The following GPSM2 variants were observed in gnomAD, a reference collection of about 807,000 sequenced individuals.
GPSM2 encodes the protein G protein signaling modulator 2.
Under a neutral mutation model 78.4 loss-of-function variants are expected in GPSM2, and 58 were observed. The ratio of observed to expected loss-of-function variants is 0.74; its 90% CI spans 0.60 to 0.92. The LOEUF (loss-of-function observed/expected upper bound fraction) is 0.92, where lower values mean the gene tolerates loss of function less well. Among genes scored for constraint, GPSM2 ranks in the 40% least tolerant of loss-of-function variants. The pLI, the probability that GPSM2 is intolerant of heterozygous loss-of-function variation, is 0.00. For missense variants in GPSM2, 700 were observed against 815.5 expected (o/e 0.86, Z 1.73); for synonymous variants, 224 against 280.2 (o/e 0.80, Z 2.00).
rs1434981532 is a variant in GPSM2, at chr1:108,931,159, T to A, written c.*1219T>A. 1 of 673,548 alleles carries A rather than the reference T, an allele frequency of 1.5e-6. No individual in the cohort carries two copies. Among genetic ancestry groups the A allele is most frequent in the African/African-American group, 1.8e-5 (1 of 54,210 alleles). The allele number at this position is 673,548 out of a possible 1,614,324, so 41.7% of individuals were successfully genotyped here. On this transcript the variant is annotated 3_prime_UTR_variant, in exon 15 of 15. Transcript: ENST00000264126. ...TAAAACAAACTTTTCTAAGTTCTAA[T>A]ATAAAAACAAAAAACAAAACCCATG...
At chr1:108,899,500 C>A (rs1648634164) in intron 7 of GPSM2, among the ~76,000 whole-genome samples, 1 of 152,068 alleles carries the variant, frequency 6.6e-6, no homozygotes, top group Non-Finnish European at 1.5e-5. Context: ...CTCCCTTTAC[C>A]CTCTTTCTGC....
At chr1:108,912,496 C>A (rs1233568572) in intron 10 of GPSM2, among the ~76,000 whole-genome samples, 2 of 151,302 alleles carry the variant, frequency 1.3e-5, no homozygotes, top group Non-Finnish European at 2.9e-5. Flanking sequence ...GTAATCCCAG[C>A]ACTTTGGGAG....
rs1003558369 is a variant in GPSM2, at chr1:108,932,340, TAAAC to T, written c.*2403_*2406del. On this transcript the variant is annotated 3_prime_UTR_variant, in exon 15 of 15. Coordinates refer to ENST00000264126, the MANE Select transcript of GPSM2 (RefSeq NM_013296.5). The stretch of plus-strand genomic sequence containing the variant: ...TTTTAATGACATATTGGCTAGTCAA[TAAAC>T]AAGTCTTATCTCATCTCATCTCTTT... 7 of 152,178 alleles carry T rather than the reference TAAAC, an allele frequency of 4.6e-5. No individual in the cohort carries two copies. The highest frequency in any genetic ancestry group is 7.3e-5 in the Non-Finnish European group (5 of 68,032). 9.4% of individuals were successfully genotyped at this position (152,178 alleles called of 1,614,324 possible).
At chr1:108,907,733 T>C (rs1649355217) in intron 10 of GPSM2, among the ~76,000 whole-genome samples, 1 of 152,232 alleles carries the variant, frequency 6.6e-6, no homozygotes, top group African/African-American at 2.4e-5. Context: ...GTAACAATTC[T>C]AGTAGTTAAG....
chr1:108,895,404 A>G (rs1157754010), intron 2 of GPSM2, among the ~76,000 whole-genome samples: 2 of 149,072 alleles, frequency 1.3e-5, no homozygotes, highest in African/African-American at 5.1e-5. Context: ...TAATAATTTC[A>G]TATTTGTTTA....
intron 10 of GPSM2, among the ~76,000 whole-genome samples, chr1:108,909,191 G>C (rs1570925633): frequency 6.6e-6 from 1 of 152,200 alleles, no homozygotes; most frequent in South Asian, 2.1e-4. Context: ...AGATTTTGTT[G>C]TATGTTTGTG....
At chr1:108,886,652 G>A (rs78428498) in intron 2 of GPSM2, among the ~76,000 whole-genome samples, 55 of 152,252 alleles carry the variant, frequency 3.6e-4, no homozygotes, top group African/African-American at 1.3e-3. Flanking sequence ...ACTCCCTTTG[G>A]CTACACCTTA....
In GPSM2 at chr1:108,925,402, G is replaced by T. The variant is rs1275451890; in HGVS notation, c.1815+1188G>T. Among the ~76,000 whole-genome samples the T allele has an allele frequency of 1.3e-5, 2 of 152,100 alleles. 1 individual carries two copies. Among genetic ancestry groups the T allele is most frequent in the Admixed American group, 1.3e-4 (2 of 15,262 alleles). On this transcript the variant is annotated intron_variant, in intron 14 of 14. Transcript: ENST00000264126. ...ATAGCTGGTATTAAAGCCCTGGGAAGAAAGTACCTAAAGAATAGGACAGGA... is the reference window on the plus strand; with the variant it reads ...ATAGCTGGTATTAAAGCCCTGGGAATAAAGTACCTAAAGAATAGGACAGGA...
At chr1:108,922,392 A>G (rs1207677013) in intron 12 of GPSM2, 25 bp from the exon 13 acceptor site, 3 of 1,549,012 alleles carry the variant, frequency 1.9e-6, no homozygotes, top group African/African-American at 2.7e-5. Flanking sequence ...ATTCAAATAA[A>G]CTAGACTTCC....
chr1:108,885,354 T>C lies in GPSM2; in HGVS notation c.-169T>C, dbSNP rs1271443286. The stretch of plus-strand genomic sequence containing the variant: ...TTTTGAACCTTTAAGCTGTCTGACA[T>C]TGACCTCCTTTCATTATTAATAAAG... On this transcript the variant is annotated 5_prime_UTR_variant, in exon 2 of 15. Transcript: ENST00000264126. 3.8e-6 allele frequency: 2 copies of C among 520,682 alleles called. No individual in the cohort carries two copies. Among genetic ancestry groups the C allele is most frequent in the African/African-American group, 1.9e-5 (1 of 52,244 alleles). 32.3% of individuals were successfully genotyped at this position (520,682 alleles called of 1,614,324 possible).
intron 12 of GPSM2, among the ~76,000 whole-genome samples, chr1:108,921,117 G>A (rs1650675500): frequency 6.6e-6 from 1 of 152,058 alleles, no homozygotes; most frequent in African/African-American, 2.4e-5. Context: ...AATCCACTGT[G>A]TCCCTCAGAT....
chr1:108,893,095 A>G (rs556331012), intron 2 of GPSM2, among the ~76,000 whole-genome samples: 2 of 152,330 alleles, frequency 1.3e-5, no homozygotes, highest in Admixed American at 1.3e-4. Flanking sequence ...ATGCCATTCA[A>G]TCTATAGCTA....
intron 11 of GPSM2, among the ~76,000 whole-genome samples, chr1:108,916,581 T>G (rs1207648473): frequency 4.6e-5 from 7 of 152,232 alleles, no homozygotes; most frequent in South Asian, 2.1e-4. Context: ...GCCATTTTTG[T>G]CTACTTTCTT....
chr1:108,901,525 T>G (rs1168256536), intron 7 of GPSM2, among the ~76,000 whole-genome samples: 1 of 152,236 alleles, frequency 6.6e-6, no homozygotes, highest in Non-Finnish European at 1.5e-5. Context: ...ACCTCTTGAT[T>G]TTATGTTTCA....
chr1:108,906,556 C>CTTT, intron 10 of GPSM2, among the ~76,000 whole-genome samples: 1 of 132,032 alleles, frequency 7.6e-6, no homozygotes, highest in Non-Finnish European at 1.6e-5. Context: ...AGCCAGAGTG[C>CTTT]TTTTTTTTTT....
intron 14 of GPSM2, among the ~76,000 whole-genome samples, chr1:108,929,056 A>G (rs1225918477): frequency 6.6e-6 from 1 of 152,030 alleles, no homozygotes; most frequent in Non-Finnish European, 1.5e-5. Flanking sequence ...AGACAGAGGC[A>G]GGCAAACTTT....
At position 108,923,371 on chromosome 1, in the gene GPSM2, G is replaced by A. The variant is rs533386165; in HGVS notation, c.1601-629G>A. On this transcript the variant is annotated intron_variant, in intron 13 of 14. Transcript: ENST00000264126. The stretch of plus-strand genomic sequence containing the variant: ...TTAAAAATAAAAATGAGGAAGAAAG[G>A]TCGTTATACATACCTTATGATTATA... Among the ~76,000 whole-genome samples, 13 of 151,664 alleles carry A rather than the reference G, an allele frequency of 8.6e-5. No homozygotes were observed. The South Asian group carries it at 2.7e-3, about 32-fold the overall frequency.
At chr1:108,884,865 G>A (rs1439143612) in intron 1 of GPSM2, among the ~76,000 whole-genome samples, 1 of 152,188 alleles carries the variant, frequency 6.6e-6, no homozygotes, top group Non-Finnish European at 1.5e-5. Flanking sequence ...AAGTATCAGT[G>A]TGATATCTTC....
intron 14 of GPSM2, 99 bp from the exon 15 acceptor site, chr1:108,929,602 G>C (rs1367485545): frequency 9.1e-7 from 1 of 1,100,634 alleles, no homozygotes; most frequent in Non-Finnish European, 1.4e-6. Flanking sequence ...CCAAATAAAA[G>C]TTTACAACTG....
Sources: gnomAD v4.1 joint callset for allele counts (sites outside exome capture counted in the v4.1 genomes callset) on GRCh38, gnomAD v4.1.1 for gene constraint, MANE v1.5 for transcripts, NCBI Gene and HGNC (gene_info 2026-07-23, HGNC 2026-07-21) for gene names.